COL20A1: variants seen among roughly 807,000 people sequenced by gnomAD.
COL20A1 encodes collagen alpha-1(XX) chain.
A neutral mutation model predicts 152.9 loss-of-function variants in COL20A1; 164 were observed. That is an observed-to-expected ratio of 1.07 (90% CI 0.94 to 1.22). The LOEUF (loss-of-function observed/expected upper bound fraction) is 1.22. COL20A1 is among the 50% of genes most tolerant of loss of function. The pLI, the probability that COL20A1 is intolerant of heterozygous loss-of-function variation, is 0.00. For missense variants in COL20A1, 1,873 were observed against 1,744.8 expected, an observed-to-expected ratio of 1.07 and a Z score of -1.31; for synonymous variants, 864 against 756.0, an observed-to-expected ratio of 1.14 and a Z score of -2.34.
Position 63,308,586 on chromosome 20 carries a change from G to A in COL20A1, c.820G>A (p.Ala274Thr), listed in dbSNP as rs752606872. Reference sequence around the variant, plus strand: ...GCTGGGGCAGAACCTGCAGCCGGCGGCTGGCCTCCGTCCAGAGGCAGCCAA... The same window carrying A: ...GCTGGGGCAGAACCTGCAGCCGGCGACTGGCCTCCGTCCAGAGGCAGCCAA... ...HVLGQNLQPA[A>T]GLRPEAAKVV... The change falls in exon 8 of 36, where the codon GCT becomes ACT. Residue 274 changes from alanine to threonine, a missense_variant. Transcript: ENST00000358894. The A allele has an allele frequency of 7.5e-6, 12 of 1,604,984 alleles. No homozygotes were observed. The highest frequency in any genetic ancestry group is 4.0e-5 in the African/African-American group (3 of 74,808).
chr20:63,305,323 G>A lies in COL20A1; in HGVS notation c.194-94G>A. 9.6e-7 allele frequency: 1 copy of A among 1,045,018 alleles called. No homozygotes were observed. The allele number at this position is 1,045,018 out of a possible 1,614,324, so 64.7% of individuals were successfully genotyped here. A position where few individuals can be genotyped will look rare whatever the true frequency, so the allele number is the denominator to read the frequency against. ...TGGCTTCAAGGGGAGCAGCTGGGGT[G>A]GGGAGGAGGAGCCAAGAGGGTTTCA... is the stretch of plus-strand genomic sequence containing the variant. On this transcript the variant is annotated intron_variant, in intron 3 of 35. Transcript: ENST00000358894. The surrounding 1 kb of genome is among the most constrained non-coding windows in gnomAD (Gnocchi z 4.9).
intron 25 of COL20A1, 97 bp from the exon 26 acceptor site, chr20:63,320,916 C>T (rs976644405): frequency 9.6e-6 from 9 of 939,262 alleles, no homozygotes; most frequent in African/African-American, 3.3e-5. Flanking sequence ...CTGGAAGTCT[C>T]CCTGGAGCCC....
At chr20:63,328,176 C>G (rs377182321) in intron 33 of COL20A1, 49 bp downstream of exon 33, 18 of 1,601,860 alleles carry the variant, frequency 1.1e-5, no homozygotes, top group Non-Finnish European at 1.4e-5. Flanking sequence ...TGCACCTGTG[C>G]CTACCACACC....
At chr20:63,315,930 A>T (rs2068078223) in intron 20 of COL20A1, among the ~76,000 whole-genome samples, 1 of 152,176 alleles carries the variant, frequency 6.6e-6, no homozygotes, top group Admixed American at 6.5e-5. Flanking sequence ...TGCAGTGTGA[A>T]TGGGATTTCG....
Position 63,308,590 on chromosome 20 carries a change from G to A in COL20A1, c.824G>A (p.Gly275Asp). 2 of 1,605,326 alleles carry A rather than the reference G, an allele frequency of 1.2e-6. No homozygotes were observed. Among genetic ancestry groups the A allele is most frequent in the South Asian group, 1.1e-5 (1 of 89,754 alleles). The change falls in exon 8 of 36, where the codon GGC becomes GAC. Residue 275 changes from glycine to aspartate, a missense_variant. By Grantham distance (94) the Gly-to-Asp change is moderately conservative. Coordinates refer to ENST00000358894, the MANE Select transcript of COL20A1 (RefSeq NM_020882.4). ...VLGQNLQPAAGLRPEAAKVVI... is the reference protein window; with the variant it reads ...VLGQNLQPAADLRPEAAKVVI... The stretch of plus-strand genomic sequence containing the variant: ...GGGCAGAACCTGCAGCCGGCGGCTG[G>A]CCTCCGTCCAGAGGCAGCCAAGGTG...
intron 27 of COL20A1, chr20:63,324,666 C>G (rs1017402152): frequency 1.3e-5 from 2 of 152,578 alleles, no homozygotes; most frequent in African/African-American, 4.8e-5. Context: ...TTCTCGTTAT[C>G]CATGCCATGT....
Position 63,311,595 on chromosome 20 carries a change from G to A in COL20A1, c.1540-30G>A. The A allele has an allele frequency of 6.2e-7, 1 of 1,610,534 alleles. No individual in the cohort carries two copies. The highest frequency in any genetic ancestry group is 8.5e-7 in the Non-Finnish European group (1 of 1,179,568). On this transcript the variant is annotated intron_variant, in intron 12 of 35. Coordinates refer to ENST00000358894, the MANE Select transcript of COL20A1 (RefSeq NM_020882.4). The surrounding 1 kb of genome is among the most constrained non-coding windows in gnomAD (Gnocchi z 4.4). ...CAGAGGAGTGGGGCAGAGCGAGTGGGGGCTGGCCTGGGACGTCATGTCTCT... is the reference window on the plus strand; with the variant it reads ...CAGAGGAGTGGGGCAGAGCGAGTGGAGGCTGGCCTGGGACGTCATGTCTCT...
At position 63,331,165 on chromosome 20, in the gene COL20A1, C is replaced by G. The variant is rs1287671094; in HGVS notation, c.*449C>G. The G allele has an allele frequency of 7.2e-5, 11 of 152,474 alleles. No individual in the cohort carries two copies. Among genetic ancestry groups the G allele is most frequent in the African/African-American group, 2.6e-4 (11 of 41,584 alleles). 9.4% of individuals were successfully genotyped at this position (152,474 alleles called of 1,614,324 possible). On this transcript the variant is annotated 3_prime_UTR_variant, in exon 36 of 36. Transcript: ENST00000358894. ...GGCCTCATCTAAGCCTGGCCAGGGCCCTGTGGGCCCGCCTCTCTCTGCGCC... is the reference window on the plus strand; with the variant it reads ...GGCCTCATCTAAGCCTGGCCAGGGCGCTGTGGGCCCGCCTCTCTCTGCGCC...
At position 63,334,781 on chromosome 20, in the gene COL20A1, A is replaced by T. The variant is rs2068373119; in HGVS notation, c.*4065A>T. 1 of 152,282 alleles carries T rather than the reference A, an allele frequency of 6.6e-6. No individual in the cohort carries two copies. The highest frequency in any genetic ancestry group is 1.5e-5 in the Non-Finnish European group (1 of 68,060). 9.4% of individuals were successfully genotyped at this position (152,282 alleles called of 1,614,324 possible). A position where few individuals can be genotyped will look rare whatever the true frequency, so the allele number is the denominator to read the frequency against. On this transcript the variant is annotated 3_prime_UTR_variant, in exon 36 of 36. Transcript: ENST00000358894. ...AAACAATTTTAAATAGTAGAAAATAAACCCTGAAGCAGTGTGCATTCATTA... is the reference window on the plus strand; with the variant it reads ...AAACAATTTTAAATAGTAGAAAATATACCCTGAAGCAGTGTGCATTCATTA...
Position 63,311,412 on chromosome 20 carries a change from G to A in COL20A1, c.1412G>A (p.Arg471Gln), listed in dbSNP as rs763168848. ...LVTTAPLPPP[R>Q]ALTLAAVTPR... ...CCCCCAGCACCTCTGCCTCCGCCCC[G>A]GGCGCTGACCCTGGCCGCAGTGACG... The change falls in exon 12 of 36, where the codon CGG becomes CAG. Residue 471 changes from arginine to glutamine, a missense_variant. Arg to Gln is a conservative substitution (Grantham distance 43). Transcript: ENST00000358894. This position sits in a 1 kb window ranked among gnomAD's most constrained non-coding sequence, Gnocchi z 4.4. 9.5e-6 allele frequency: 15 copies of A among 1,581,694 alleles called. No homozygotes were observed. Among genetic ancestry groups the A allele is most frequent in the South Asian group, 3.5e-5 (3 of 86,684 alleles).
chr20:63,330,245 C>T (rs1366706099), intron 35 of COL20A1, among the ~76,000 whole-genome samples: 1 of 152,122 alleles, frequency 6.6e-6, no homozygotes, highest in African/African-American at 2.4e-5. Flanking sequence ...GTCCCAGGAG[C>T]AGGTGGTGGG....
Position 63,325,514 on chromosome 20 carries a change from G to A in COL20A1, c.3348+20G>A. The A allele has an allele frequency of 6.2e-7, 1 of 1,607,496 alleles. No individual in the cohort carries two copies. The highest frequency in any genetic ancestry group is 1.1e-5 in the South Asian group (1 of 90,846). On this transcript the variant is annotated intron_variant, in intron 28 of 35. Coordinates refer to ENST00000358894, the MANE Select transcript of COL20A1 (RefSeq NM_020882.4). ...TTGCAGGTAGTGTGGCTGGGGCCAGGGGGCCACAGGGGTTGGTGGGGGTGG... is the reference window on the plus strand; with the variant it reads ...TTGCAGGTAGTGTGGCTGGGGCCAGAGGGCCACAGGGGTTGGTGGGGGTGG...
At chr20:63,307,874 C>G (rs2067948149) in intron 6 of COL20A1, 97 bp from the exon 7 acceptor site, 1 of 1,455,856 alleles carries the variant, frequency 6.9e-7, no homozygotes, top group Non-Finnish European at 9.4e-7. Context: ...GGTGACCCCA[C>G]AGAGGCACGT....
intron 31 of COL20A1, 41 bp from the exon 32 acceptor site, chr20:63,327,911 G>A: frequency 6.4e-7 from 1 of 1,566,282 alleles, no homozygotes; most frequent in Non-Finnish European, 8.7e-7. Flanking sequence ...GTGGTCTCAG[G>A]CCATCTCTGC....
At chr20:63,316,793 G>A in intron 21 of COL20A1, 102 bp downstream of exon 21, 1 of 1,201,918 alleles carries the variant, frequency 8.3e-7, no homozygotes, top group Non-Finnish European at 1.1e-6. Context: ...AGACCTCCTG[G>A]AGGCTGTGGG....
intron 3 of COL20A1, among the ~76,000 whole-genome samples, chr20:63,303,739 A>G (rs1237447612): frequency 6.6e-6 from 1 of 152,132 alleles, no homozygotes; most frequent in African/African-American, 2.4e-5. Flanking sequence ...GGAGCCACTC[A>G]CTGCACAGGG....
In COL20A1 at chr20:63,316,661, T is replaced by A; in HGVS notation, c.2633T>A (p.Phe878Tyr). 1 of 1,574,096 alleles carries A rather than the reference T, an allele frequency of 6.4e-7. No homozygotes were observed. Among genetic ancestry groups the A allele is most frequent in the Admixed American group, 1.8e-5 (1 of 54,114 alleles). Reference sequence around the variant, plus strand: ...GGTGGGACCCCGACCTTCACGCTCTTCAAGGACGCCCAGCTGACAAGACGG... The same window carrying A: ...GGTGGGACCCCGACCTTCACGCTCTACAAGGACGCCCAGCTGACAAGACGG... ...AFGGTPTFTL[F>Y]KDAQLTRRVS... The change falls in exon 21 of 36, where the codon TTC becomes TAC. Residue 878 changes from phenylalanine to tyrosine, a missense_variant. Transcript: ENST00000358894.
At position 63,327,948 on chromosome 20, in the gene COL20A1, T is replaced by G; in HGVS notation, c.3529-4T>G. ...GACTTCTTTTCTCTTCCCCTCCTCA[T>G]CAGGGACTGCCAGGGCCCAAAGGGG... On this transcript the variant is annotated splice_region_variant and splice_polypyrimidine_tract_variant and intron_variant, in intron 31 of 35. Coordinates refer to ENST00000358894, the MANE Select transcript of COL20A1 (RefSeq NM_020882.4). 1 of 1,597,978 alleles carries G rather than the reference T, an allele frequency of 6.3e-7. No individual in the cohort carries two copies. The highest frequency in any genetic ancestry group is 8.5e-7 in the Non-Finnish European group (1 of 1,171,744).
In COL20A1 at chr20:63,311,848, C is replaced by T; in HGVS notation, c.1664-68C>T. ...AGACCTCAGGCCCCCTCGGTCCCAG[C>T]CACTGCCCACCCTTGCCCCTGCCAT... On this transcript the variant is annotated intron_variant, in intron 13 of 35. Transcript: ENST00000358894. This position sits in a 1 kb window ranked among gnomAD's most constrained non-coding sequence, Gnocchi z 4.4. 6.6e-7 allele frequency: 1 copy of T among 1,509,422 alleles called. No individual in the cohort carries two copies. 93.5% of individuals were successfully genotyped at this position (1,509,422 alleles called of 1,614,324 possible).
Sources: allele counts gnomAD v4.1 joint callset (sites outside exome capture counted in the v4.1 genomes callset), GRCh38; gene constraint gnomAD v4.1.1; non-coding constraint Gnocchi (gnomAD v3.1); transcripts MANE v1.5; gene names NCBI Gene and HGNC (gene_info 2026-07-23, HGNC 2026-07-21).